The following SRRM4 variants were observed in gnomAD, a reference collection of about 807,000 sequenced individuals.
SRRM4 encodes the protein serine/arginine repetitive matrix 4.
In SRRM4, 33 loss-of-function variants were observed where a neutral mutation model predicts 68.9. The observed-to-expected ratio is 0.48, with a 90% CI of 0.36 to 0.64. The LOEUF is 0.64. SRRM4 is among the 30% of genes least tolerant of loss of function. The probability of loss-of-function intolerance (pLI) is 0.00; values close to 1 mark genes in which losing one functional copy is unlikely to be tolerated. For missense variants in SRRM4, 817 were observed against 827.1 expected, an observed-to-expected ratio of 0.99 and a Z score of 0.15; for synonymous variants, 318 against 318.8, an observed-to-expected ratio of 1.00 and a Z score of 0.03.
chr12:119,059,470 A>G (rs11612123), intron 1 of SRRM4, among the ~76,000 whole-genome samples: 5,685 of 152,184 alleles, frequency 0.037, 193 homozygotes, highest in East Asian at 0.12. Flanking sequence ...AACTTAAGGT[A>G]TATGCAATCA....
At chr12:119,054,650 A>T (rs1953765814) in intron 1 of SRRM4, among the ~76,000 whole-genome samples, 1 of 152,204 alleles carries the variant, frequency 6.6e-6, no homozygotes. Context: ...GGATCCAATA[A>T]TAAAGGGGAT....
chr12:119,094,873 T>C (rs535849186), intron 1 of SRRM4, among the ~76,000 whole-genome samples: 4 of 152,356 alleles, frequency 2.6e-5, no homozygotes, highest in South Asian at 2.1e-4. Flanking sequence ...TGAAATCTGA[T>C]ACTAAGTAGG....
intron 1 of SRRM4, among the ~76,000 whole-genome samples, chr12:118,982,679 G>T (rs12227810): frequency 0.25 from 25,126 of 100,036 alleles, 2,316 homozygotes; most frequent in African/African-American, 0.28. Flanking sequence ...GTTTTTTTTT[G>T]TTTTTTTTTT....
intron 1 of SRRM4, among the ~76,000 whole-genome samples, chr12:119,067,430 G>A (rs1298305918): frequency 1.3e-5 from 2 of 152,146 alleles, no homozygotes; most frequent in Non-Finnish European, 2.9e-5. Context: ...GCCTTGGCAG[G>A]GTGCAGTGTT....
At chr12:119,002,141 A>C (rs888301278) in intron 1 of SRRM4, among the ~76,000 whole-genome samples, 1 of 152,158 alleles carries the variant, frequency 6.6e-6, no homozygotes, top group East Asian at 1.9e-4. Context: ...GGGGTTAAAC[A>C]TGACGATAGA....
intron 1 of SRRM4, among the ~76,000 whole-genome samples, chr12:118,984,693 G>T (rs191474741): frequency 6.6e-6 from 1 of 152,140 alleles, no homozygotes; most frequent in Non-Finnish European, 1.5e-5. Flanking sequence ...GCAACCCCCT[G>T]CTTAGTCTCT....
At chr12:119,102,039 C>T (rs1954080623) in intron 1 of SRRM4, among the ~76,000 whole-genome samples, 197 bp from the exon 2 acceptor site, 1 of 152,162 alleles carries the variant, frequency 6.6e-6, no homozygotes, top group African/African-American at 2.4e-5. Context: ...TGGAAAGGTA[C>T]ACAGATCTTG....
intron 1 of SRRM4, among the ~76,000 whole-genome samples, chr12:119,007,043 C>T (rs953022648): frequency 6.6e-6 from 1 of 152,166 alleles, no homozygotes; most frequent in South Asian, 2.1e-4. Context: ...TATGGATTTG[C>T]ACATTAACCC....
intron 6 of SRRM4, among the ~76,000 whole-genome samples, chr12:119,123,561 G>T (rs998761518): frequency 6.6e-6 from 1 of 152,024 alleles, no homozygotes; most frequent in Non-Finnish European, 1.5e-5. Context: ...CACCCTCCCC[G>T]CTGGCAAGAG....
At chr12:119,044,119 G>A (rs926100659) in intron 1 of SRRM4, among the ~76,000 whole-genome samples, 4 of 152,222 alleles carry the variant, frequency 2.6e-5, no homozygotes, top group African/African-American at 7.2e-5. Context: ...CACACGCCTC[G>A]GCCTCCCGAA....
At chr12:119,118,969 C>T (rs1017344622) in intron 4 of SRRM4, among the ~76,000 whole-genome samples, 1 of 152,116 alleles carries the variant, frequency 6.6e-6, no homozygotes, top group African/African-American at 2.4e-5. Context: ...CCTGGTCCAG[C>T]CTCTCCAGGC....
rs55883419 is a variant in SRRM4 at position 119,137,587 on chromosome 12, G to GGA, written c.771+6799_771+6800dup. Among the ~76,000 whole-genome samples, 512 of 119,158 alleles carry GGA rather than the reference G, an allele frequency of 4.3e-3. 4 individuals carry two copies. The highest frequency in any genetic ancestry group is 8.8e-3 in the Middle Eastern group (2 of 228). 78.2% of individuals were successfully genotyped at this position (119,158 alleles called of 152,430 possible). Reference sequence around the variant, plus strand: ...AAGGAGATGAGGCGAGGTTTGGAGTGGAGAGAGAGAGAGAGAGAGAGAGAG... The same window carrying GGA: ...AAGGAGATGAGGCGAGGTTTGGAGTGGAGAGAGAGAGAGAGAGAGAGAGAGAG... On this transcript the variant is annotated intron_variant, in intron 8 of 12. Transcript: ENST00000267260.
intron 1 of SRRM4, among the ~76,000 whole-genome samples, chr12:119,024,863 G>T (rs1953537880): frequency 6.6e-6 from 1 of 152,152 alleles, no homozygotes; most frequent in African/African-American, 2.4e-5. Context: ...TGTCTCCCTA[G>T]CCATGTATGG....
chr12:119,037,837 G>T (rs992746846), intron 1 of SRRM4, among the ~76,000 whole-genome samples: 1 of 152,186 alleles, frequency 6.6e-6, no homozygotes, highest in Non-Finnish European at 1.5e-5. Flanking sequence ...TCCATTGATT[G>T]CTGGATACGT....
intron 4 of SRRM4, among the ~76,000 whole-genome samples, chr12:119,119,357 C>T (rs1209253267): frequency 1.3e-5 from 2 of 151,856 alleles, no homozygotes; most frequent in Non-Finnish European, 2.9e-5. Context: ...CCCTGCCCTC[C>T]AATTCTCACA....
Position 119,051,632 on chromosome 12 carries a change from A to G in SRRM4, c.132-50604A>G, listed in dbSNP as rs191640380. Among the ~76,000 whole-genome samples, 113 of 152,328 alleles carry G rather than the reference A, an allele frequency of 7.4e-4. 1 individual carries two copies. Among genetic ancestry groups the G allele is most frequent in the Non-Finnish European group, 1.3e-3 (89 of 68,024 alleles). ...TGATGACCCCAAATTTCTAAGAAAG[A>G]CTACACAATACTTTCCCTTCCTTGG... On this transcript the variant is annotated intron_variant, in intron 1 of 12. Coordinates refer to ENST00000267260, the MANE Select transcript of SRRM4 (RefSeq NM_194286.4).
intron 1 of SRRM4, among the ~76,000 whole-genome samples, chr12:119,026,381 C>T (rs1953548460): frequency 6.6e-6 from 1 of 151,750 alleles, no homozygotes; most frequent in African/African-American, 2.4e-5. Flanking sequence ...AACTTGGTTC[C>T]TGTATGTGAG....
chr12:119,021,420 G>C (rs879755680), intron 1 of SRRM4, among the ~76,000 whole-genome samples: 2 of 152,162 alleles, frequency 1.3e-5, no homozygotes, highest in Non-Finnish European at 2.9e-5. Context: ...GCTTTCATCA[G>C]GGTAGGGGTT....
intron 3 of SRRM4, among the ~76,000 whole-genome samples, chr12:119,115,352 G>C (rs1199844244): frequency 6.6e-6 from 1 of 152,074 alleles, no homozygotes; most frequent in Admixed American, 6.6e-5. Context: ...AGATTTGCTT[G>C]TAGGCTGCCA....
Sources: allele counts gnomAD v4.1 joint callset (sites outside exome capture counted in the v4.1 genomes callset), GRCh38; gene constraint gnomAD v4.1.1; transcripts MANE v1.5; gene names NCBI Gene and HGNC (gene_info 2026-07-23, HGNC 2026-07-21).